PTPRK: variants seen among roughly 807,000 people sequenced by gnomAD.
The protein encoded by PTPRK is receptor-type tyrosine-protein phosphatase kappa.
Under a neutral mutation model 178.0 loss-of-function variants are expected in PTPRK, and 75 were observed. That is an observed-to-expected ratio of 0.42 (90% confidence interval 0.35 to 0.51). The LOEUF (loss-of-function observed/expected upper bound fraction) is 0.51. Among genes scored for constraint, PTPRK ranks in the 20% least tolerant of loss-of-function variants. The probability of loss-of-function intolerance (pLI) is 0.02; values close to 1 mark genes in which losing one functional copy is unlikely to be tolerated. For synonymous variants in PTPRK, 637 were observed against 620.6 expected, an observed-to-expected ratio of 1.03 and a Z score of -0.39; for missense variants, 1,441 against 1,797.8, an observed-to-expected ratio of 0.80 and a Z score of 3.59.
At chr6:128,078,183 T>C (rs975597095) in intron 11 of PTPRK, among the ~76,000 whole-genome samples, 1 of 151,916 alleles carries the variant, frequency 6.6e-6, no homozygotes, top group Non-Finnish European at 1.5e-5. Context: ...TGCTCTTAAG[T>C]CAAACTGCAC....
At chr6:128,036,240 T>C (rs780372159) in intron 13 of PTPRK, among the ~76,000 whole-genome samples, 2 of 152,140 alleles carry the variant, frequency 1.3e-5, no homozygotes, top group Non-Finnish European at 2.9e-5. Context: ...GAGTTTTATA[T>C]GGATTCATAC....
At chr6:128,271,588 T>C (rs1436594102) in intron 3 of PTPRK, among the ~76,000 whole-genome samples, 1 of 152,084 alleles carries the variant, frequency 6.6e-6, no homozygotes. Flanking sequence ...TCTGATCAGG[T>C]GCAAATCCCT....
chr6:128,286,477 T>A (rs568686682), intron 3 of PTPRK, among the ~76,000 whole-genome samples: 1 of 152,268 alleles, frequency 6.6e-6, no homozygotes, highest in South Asian at 2.1e-4. Flanking sequence ...AGGAACTATC[T>A]CTAGAAGTTC....
intron 3 of PTPRK, among the ~76,000 whole-genome samples, chr6:128,266,813 A>G (rs1233878359): frequency 6.6e-6 from 1 of 152,146 alleles, no homozygotes; most frequent in Non-Finnish European, 1.5e-5. Flanking sequence ...AATGTTTTCA[A>G]GCTAGCCTAA....
At chr6:128,098,870 G>A (rs1242942046) in intron 7 of PTPRK, among the ~76,000 whole-genome samples, 1 of 151,804 alleles carries the variant, frequency 6.6e-6, no homozygotes, top group Non-Finnish European at 1.5e-5. Flanking sequence ...GCCTTAAAAC[G>A]ACTTTTAATG....
At chr6:128,355,597 T>C (rs1179376805) in intron 2 of PTPRK, among the ~76,000 whole-genome samples, 1 of 152,122 alleles carries the variant, frequency 6.6e-6, no homozygotes, top group African/African-American at 2.4e-5. Flanking sequence ...AGAAGAAGAT[T>C]CAAGTAAATT....
At position 128,470,750 on chromosome 6, in the gene PTPRK, T is replaced by TC. The variant is rs200177847; in HGVS notation, c.100+49508_100+49509insG. On this transcript the variant is annotated intron_variant, in intron 1 of 29. Transcript: ENST00000368226. ...TAGAAGAAGAAACAATATCTCTCTC[T>TC]TTTTTTTTTTTTTTTTTTTTAATGG... Among the ~76,000 whole-genome samples the TC allele has an allele frequency of 0.01, 499 of 48,986 alleles. 5 individuals carry two copies. In the African/African-American group the frequency reaches 0.1, roughly 10 times the overall value. The allele number at this position is 48,986 out of a possible 152,430, so 32.1% of individuals were successfully genotyped here.
At chr6:128,262,168 A>G (rs1818273888) in intron 3 of PTPRK, among the ~76,000 whole-genome samples, 1 of 152,226 alleles carries the variant, frequency 6.6e-6, no homozygotes, top group Non-Finnish European at 1.5e-5. Context: ...TAAGCAGCAT[A>G]GTGAAAGTTA....
chr6:128,003,493 GA>G (rs534422908), intron 15 of PTPRK, among the ~76,000 whole-genome samples: 12 of 148,846 alleles, frequency 8.1e-5, no homozygotes, highest in East Asian at 2.0e-4. Context: ...AAAAATTAAA[GA>G]AAAAAAAACC....
chr6:128,116,763 G>A (rs1408131846), intron 7 of PTPRK, among the ~76,000 whole-genome samples: 1 of 152,164 alleles, frequency 6.6e-6, no homozygotes, highest in African/African-American at 2.4e-5. Flanking sequence ...GTAAAATGCA[G>A]GTAGAGAAAA....
At chr6:128,340,459 T>C (rs1562315028) in intron 2 of PTPRK, among the ~76,000 whole-genome samples, 1 of 152,196 alleles carries the variant, frequency 6.6e-6, no homozygotes, top group Non-Finnish European at 1.5e-5. Flanking sequence ...GAAAGCATGC[T>C]CTGTTAATTC....
chr6:128,442,336 C>T (rs1846385343), intron 1 of PTPRK, among the ~76,000 whole-genome samples: 1 of 152,120 alleles, frequency 6.6e-6, no homozygotes, highest in East Asian at 1.9e-4. Context: ...CTCTGTCCAC[C>T]TTCTTTTCCT....
rs57723685 is a variant in PTPRK at position 128,503,842 on chromosome 6, TTGTGTGTGTG to T, written c.100+16407_100+16416del. On this transcript the variant is annotated intron_variant, in intron 1 of 29. Transcript: ENST00000368226. ...CATGCACCACTATGCCTGGTTATTATTGTGTGTGTGTGTGTGTGTGTGTGTGTGTGTGTGT... is the reference window on the plus strand; with the variant it reads ...CATGCACCACTATGCCTGGTTATTATTGTGTGTGTGTGTGTGTGTGTGTGT... Among the ~76,000 whole-genome samples the T allele has an allele frequency of 9.4e-3, 1,310 of 139,924 alleles. 19 individuals carry two copies. The highest frequency in any genetic ancestry group is 0.033 in the African/African-American group (1,198 of 36,808). 91.8% of individuals were successfully genotyped at this position (139,924 alleles called of 152,430 possible).
intron 21 of PTPRK, 53 bp downstream of exon 21, chr6:127,990,716 G>A: frequency 8.5e-7 from 1 of 1,179,674 alleles, no homozygotes; most frequent in Non-Finnish European, 1.2e-6. Context: ...AAGATTTTAA[G>A]AGAAAAAGCA....
chr6:128,243,509 A>AAAGAAAAG (rs1554367486), intron 3 of PTPRK, among the ~76,000 whole-genome samples: 2 of 137,702 alleles, frequency 1.5e-5, no homozygotes, highest in African/African-American at 6.1e-5. Context: ...AAAAAAAAAA[A>AAAGAAAAG]AAAAGAAAAG....
intron 7 of PTPRK, among the ~76,000 whole-genome samples, chr6:128,151,799 A>G (rs547633635): frequency 6.6e-6 from 1 of 152,194 alleles, no homozygotes; most frequent in South Asian, 2.1e-4. Flanking sequence ...CAGATGATTA[A>G]TGAGTAAATA....
rs537106718 is a variant in PTPRK, at chr6:128,213,421, T to A, written c.868+5501A>T. ...TGGGCTTTTTTAAATATTTAGGGGT[T>A]TTGGGGGGTAAAATTAGTATGTGAT... On this transcript the variant is annotated intron_variant, in intron 6 of 29. Coordinates refer to ENST00000368226, the MANE Select transcript of PTPRK (RefSeq NM_002844.4). Among the ~76,000 whole-genome samples the A allele has an allele frequency of 3.9e-5, 6 of 152,100 alleles. No homozygotes were observed. The South Asian group carries it at 1.2e-3, about 32-fold the overall frequency.
intron 1 of PTPRK, among the ~76,000 whole-genome samples, chr6:128,483,128 A>G (rs898711069): frequency 6.6e-6 from 1 of 152,184 alleles, no homozygotes; most frequent in African/African-American, 2.4e-5. Flanking sequence ...TTTATTTTCA[A>G]AAGTTTGAGC....
At chr6:128,160,032 A>T (rs1166379239) in intron 7 of PTPRK, among the ~76,000 whole-genome samples, 1 of 151,704 alleles carries the variant, frequency 6.6e-6, no homozygotes, top group African/African-American at 2.4e-5. Flanking sequence ...TGATATCTAT[A>T]TTCTTCTTCA....
Sources: allele counts gnomAD v4.1 joint callset (sites outside exome capture counted in the v4.1 genomes callset), GRCh38; gene constraint gnomAD v4.1.1; transcripts MANE v1.5; gene names NCBI Gene and HGNC (gene_info 2026-07-23, HGNC 2026-07-21).